CAMTA1: variants seen among roughly 807,000 people sequenced by gnomAD.
CAMTA1 encodes the protein calmodulin-binding transcription activator 1.
In CAMTA1, 27 loss-of-function variants were observed where a neutral mutation model predicts 170.9. The ratio of observed to expected loss-of-function variants is 0.16; its 90% CI spans 0.12 to 0.22. CAMTA1 has a LOEUF of 0.22. CAMTA1 is among the 10% of genes least tolerant of loss of function. The pLI is 1.00. For missense variants in CAMTA1, 1,619 were observed against 2,217.2 expected, an observed-to-expected ratio of 0.73 and a Z score of 5.42; for synonymous variants, 833 against 891.5, an observed-to-expected ratio of 0.93 and a Z score of 1.17.
chr1:7,644,536 C>T (rs1487034421), intron 7 of CAMTA1, among the ~76,000 whole-genome samples: 1 of 152,192 alleles, frequency 6.6e-6, no homozygotes, highest in Non-Finnish European at 1.5e-5. Context: ...ATCGGCCACC[C>T]TGGCTCCCTC....
At chr1:7,114,307 GTGTGTGTGTGTA>G (rs1431166647) in intron 4 of CAMTA1, among the ~76,000 whole-genome samples, 4 of 151,618 alleles carry the variant, frequency 2.6e-5, no homozygotes, top group South Asian at 2.1e-4. Context: ...GTGTGCCTCT[GTGTGTGTGTGTA>G]TGTGTGTGTG....
intron 6 of CAMTA1, among the ~76,000 whole-genome samples, chr1:7,520,742 A>G (rs2094354841): frequency 6.6e-6 from 1 of 152,170 alleles, no homozygotes. Flanking sequence ...CTAAAGAGCC[A>G]CACAGCCTCG....
chr1:7,670,545 G>A (rs1021448796), intron 9 of CAMTA1, among the ~76,000 whole-genome samples: 2 of 152,144 alleles, frequency 1.3e-5, no homozygotes, highest in African/African-American at 2.4e-5. Context: ...CCCTGCCCTC[G>A]GCTTCCTTCC....
intron 6 of CAMTA1, among the ~76,000 whole-genome samples, chr1:7,504,540 A>T (rs2094068537): frequency 6.6e-6 from 1 of 152,236 alleles, no homozygotes. Context: ...TCTTTCTGCC[A>T]ACTGACTCCA....
chr1:6,837,883 G>T (rs1234595933), intron 3 of CAMTA1, among the ~76,000 whole-genome samples: 2 of 152,212 alleles, frequency 1.3e-5, no homozygotes, highest in South Asian at 2.1e-4. Context: ...TCATAAATGG[G>T]GGTAGTGAGG....
chr1:6,984,744 C>T (rs937344872), intron 3 of CAMTA1, among the ~76,000 whole-genome samples: 8 of 152,348 alleles, frequency 5.3e-5, no homozygotes, highest in South Asian at 2.1e-4. Flanking sequence ...ACATCTGCAT[C>T]GTCTTTCCTC....
At chr1:7,550,559 C>T (rs1339638157) in intron 6 of CAMTA1, among the ~76,000 whole-genome samples, 2 of 151,672 alleles carry the variant, frequency 1.3e-5, no homozygotes, top group African/African-American at 2.4e-5. Flanking sequence ...CTGGGCCCCT[C>T]CTACCTGGCC....
chr1:7,622,709 G>C (rs944734876), intron 6 of CAMTA1, among the ~76,000 whole-genome samples: 13 of 152,236 alleles, frequency 8.5e-5, no homozygotes, highest in African/African-American at 3.1e-4. Context: ...TCCATGTGGA[G>C]GCTTATTCAA....
chr1:6,850,290 C>A (rs1402610467), intron 3 of CAMTA1, among the ~76,000 whole-genome samples: 1 of 152,072 alleles, frequency 6.6e-6, no homozygotes, highest in Non-Finnish European at 1.5e-5. Context: ...GTGTAAATGG[C>A]AAACTAGGAA....
rs1291256648 is a variant in CAMTA1 at position 7,440,425 on chromosome 1, T to C, written c.439-27405T>C. On this transcript the variant is annotated intron_variant, in intron 5 of 22. Coordinates refer to ENST00000303635, the MANE Select transcript of CAMTA1 (RefSeq NM_015215.4). ...CAGACAGCAGCCTGGGAAGGAGCCG[T>C]GTGTTGCCTGGGAGTTCCACGGCAC... 3.9e-5 allele frequency among the ~76,000 whole-genome samples: 6 copies of C among 152,258 alleles called. 1 individual carries two copies. Among genetic ancestry groups the C allele is most frequent in the Admixed American group, 2.6e-4 (4 of 15,290 alleles).
At chr1:7,538,877 A>G (rs2094577999) in intron 6 of CAMTA1, among the ~76,000 whole-genome samples, 1 of 152,180 alleles carries the variant, frequency 6.6e-6, no homozygotes, top group African/African-American at 2.4e-5. Flanking sequence ...CTGGAGGAGC[A>G]TGGAGTTTCC....
At position 7,585,695 on chromosome 1, in the gene CAMTA1, G is replaced by A. The variant is rs1315034258; in HGVS notation, c.511-54705G>A. Among the ~76,000 whole-genome samples, 1 of 152,088 alleles carries A rather than the reference G, an allele frequency of 6.6e-6. No individual in the cohort carries two copies. The highest frequency in any genetic ancestry group is 1.5e-5 in the Non-Finnish European group (1 of 68,024). Reference sequence around the variant, plus strand: ...AGGACAAGAATAGGTAGCCTCAAGGGGCAGGAGGGGAATGGCCAGGATGCG... The same window carrying A: ...AGGACAAGAATAGGTAGCCTCAAGGAGCAGGAGGGGAATGGCCAGGATGCG... On this transcript the variant is annotated intron_variant, in intron 6 of 22. Transcript: ENST00000303635. The surrounding 1 kb of genome is among the most constrained non-coding windows in gnomAD (Gnocchi z 4.8).
At chr1:7,289,231 A>G (rs1470361209) in intron 5 of CAMTA1, among the ~76,000 whole-genome samples, 2 of 152,136 alleles carry the variant, frequency 1.3e-5, no homozygotes, top group African/African-American at 4.8e-5. Flanking sequence ...ATTCAACATG[A>G]GATTGGGCAG....
chr1:7,572,331 C>G (rs1288727506), intron 6 of CAMTA1, among the ~76,000 whole-genome samples: 1 of 152,208 alleles, frequency 6.6e-6, no homozygotes, highest in Non-Finnish European at 1.5e-5. Flanking sequence ...TGCGCAGAAG[C>G]TCTTTAGTTT....
chr1:6,940,952 G>GGATCCTCAGGGGGAGGA (rs1557861740), intron 3 of CAMTA1, among the ~76,000 whole-genome samples: 5 of 149,228 alleles, frequency 3.4e-5, no homozygotes, highest in Admixed American at 6.6e-5. Flanking sequence ...AGGGGGAGGG[G>GGATCCTCAGGGGGAGGA]GGATCCTTGC....
At chr1:7,196,572 A>G (rs1655573927) in intron 4 of CAMTA1, among the ~76,000 whole-genome samples, 1 of 152,230 alleles carries the variant, frequency 6.6e-6, no homozygotes, top group African/African-American at 2.4e-5. Context: ...AGTGATTTAT[A>G]TGAAAACAGT....
intron 3 of CAMTA1, among the ~76,000 whole-genome samples, chr1:6,830,690 A>C (rs1024500050): frequency 3.9e-5 from 6 of 152,104 alleles, no homozygotes; most frequent in Admixed American, 6.6e-5. Context: ...TATAAACTGC[A>C]CCCATTTGAA....
rs571626527 is a variant in CAMTA1, at chr1:7,381,629, C to A, written c.439-86201C>A. Among the ~76,000 whole-genome samples the A allele has an allele frequency of 8.5e-4, 129 of 151,496 alleles. No homozygotes were observed. In the East Asian group the frequency reaches 0.02, roughly 23 times the overall value. The stretch of plus-strand genomic sequence containing the variant: ...GCAATAAACACATGTGTGCATGTGT[C>A]TTTATAGCAGCATGATTTATAGTCC... On this transcript the variant is annotated intron_variant, in intron 5 of 22. Coordinates refer to ENST00000303635, the MANE Select transcript of CAMTA1 (RefSeq NM_015215.4).
intron 3 of CAMTA1, among the ~76,000 whole-genome samples, chr1:6,884,710 G>C (rs1038667162): frequency 6.6e-6 from 1 of 152,184 alleles, no homozygotes; most frequent in South Asian, 2.1e-4. Context: ...TGTGAACCCT[G>C]TGTTCTTGGA....
Sources: allele counts gnomAD v4.1 joint callset (sites outside exome capture counted in the v4.1 genomes callset), GRCh38; gene constraint gnomAD v4.1.1; non-coding constraint Gnocchi (gnomAD v3.1); transcripts MANE v1.5; gene names NCBI Gene and HGNC (gene_info 2026-07-23, HGNC 2026-07-21).